The following LARGE1 variants were observed in gnomAD, a reference collection of about 807,000 sequenced individuals.
LARGE1 encodes xylosyl- and glucuronyltransferase LARGE1.
LARGE1 carries 43 observed loss-of-function variants against 87.6 expected under a neutral mutation model. The observed-to-expected ratio is 0.49, with a 90% CI of 0.38 to 0.63. LARGE1 has a LOEUF of 0.63. Among genes scored for constraint, LARGE1 ranks in the 30% least tolerant of loss-of-function variants. The pLI, the probability that LARGE1 is intolerant of heterozygous loss-of-function variation, is 0.00. For synonymous variants in LARGE1, 434 were observed against 394.6 expected, an observed-to-expected ratio of 1.10 and a Z score of -1.18; for missense variants, 802 against 1,000.2, an observed-to-expected ratio of 0.80 and a Z score of 2.67.
chr22:33,430,182 T>G (rs1160189172), intron 7 of LARGE1, among the ~76,000 whole-genome samples: 4 of 152,174 alleles, frequency 2.6e-5, no homozygotes, highest in African/African-American at 9.7e-5. Flanking sequence ...CCTTCGATGC[T>G]CCAATCTTCA....
chr22:33,539,924 T>C (rs898713424), intron 6 of LARGE1, among the ~76,000 whole-genome samples: 1 of 152,132 alleles, frequency 6.6e-6, no homozygotes, highest in East Asian at 1.9e-4. Flanking sequence ...AATATGGGCT[T>C]TGAAGTTCTT....
Position 33,274,373 on chromosome 22 carries a change from G to A in LARGE1, c.*54C>T. 6.4e-7 allele frequency: 1 copy of A among 1,568,446 alleles called. No individual in the cohort carries two copies. Among genetic ancestry groups the A allele is most frequent in the Non-Finnish European group, 8.8e-7 (1 of 1,138,498 alleles). On this transcript the variant is annotated 3_prime_UTR_variant, in exon 15 of 15. Transcript: ENST00000397394. ...GAATTTGAAGGCCGGGCCCCAAACA[G>A]CGAGTGGCACTTCCCCTACAGCATG...
intron 11 of LARGE1, among the ~76,000 whole-genome samples, chr22:33,175,127 A>T (rs187731999): frequency 5.3e-5 from 8 of 152,330 alleles, no homozygotes; most frequent in African/African-American, 1.7e-4. Context: ...CAAAAAGCTA[A>T]TCCACCATGA....
chr22:33,829,710 C>G (rs1017344696), intron 1 of LARGE1, among the ~76,000 whole-genome samples: 2 of 152,212 alleles, frequency 1.3e-5, no homozygotes, highest in Admixed American at 1.3e-4. Flanking sequence ...CAGATGAAAA[C>G]TGATGACTGG....
At chr22:33,304,208 C>T (rs532963640) in intron 12 of LARGE1, 21 bp downstream of exon 12, 4 of 1,613,804 alleles carry the variant, frequency 2.5e-6, no homozygotes, top group Non-Finnish European at 3.4e-6. Flanking sequence ...GCCTGATGGC[C>T]AGGCCCCTGC....
At chr22:33,511,053 T>C (rs760947353) in intron 6 of LARGE1, among the ~76,000 whole-genome samples, 4 of 152,270 alleles carry the variant, frequency 2.6e-5, no homozygotes, top group Non-Finnish European at 5.9e-5. Flanking sequence ...ATCACACACA[T>C]AGTGATTTTC....
chr22:33,503,633 T>C (rs2070616937), intron 6 of LARGE1, among the ~76,000 whole-genome samples: 1 of 151,736 alleles, frequency 6.6e-6, no homozygotes. Context: ...ACCACGTCTC[T>C]ACTAAAAATA....
At chr22:33,892,652 C>T (rs190826847) in intron 1 of LARGE1, among the ~76,000 whole-genome samples, 1 of 152,356 alleles carries the variant, frequency 6.6e-6, no homozygotes, top group African/African-American at 2.4e-5. Flanking sequence ...AGACTGACTA[C>T]ATTTCACAGC....
intron 1 of LARGE1, among the ~76,000 whole-genome samples, chr22:33,880,038 C>A (rs944876231): frequency 2.0e-4 from 30 of 152,170 alleles, no homozygotes; most frequent in Non-Finnish European, 7.3e-5. Context: ...TGGAGAGAGG[C>A]CAAGTGCACT....
the LARGE1 span, among the ~76,000 whole-genome samples, chr22:33,082,685 T>C: frequency 6.6e-6 from 1 of 152,130 alleles, no homozygotes; most frequent in African/African-American, 2.4e-5. Flanking sequence ...ATTTCAAAGC[T>C]CCTTCCGGAC....
chr22:33,883,659 GTCTC>G (rs749375727), intron 1 of LARGE1, among the ~76,000 whole-genome samples: 15 of 152,324 alleles, frequency 9.8e-5, no homozygotes, highest in Admixed American at 3.3e-4. Context: ...CCCCTCTGTG[GTCTC>G]TCTATTAGCA....
intron 5 of LARGE1, among the ~76,000 whole-genome samples, chr22:33,567,982 G>A (rs1256330950): frequency 6.6e-6 from 1 of 152,130 alleles, no homozygotes; most frequent in Non-Finnish European, 1.5e-5. Flanking sequence ...ACTCTCCTGG[G>A]GAATCTAAGG....
intron 10 of LARGE1, among the ~76,000 whole-genome samples, chr22:33,324,301 C>CCA (rs1289465035): frequency 7.8e-6 from 1 of 128,486 alleles, no homozygotes; most frequent in African/African-American, 3.4e-5. Context: ...AACAACCCCC[C>CCA]CCCCAAAACA....
intron 1 of LARGE1, among the ~76,000 whole-genome samples, chr22:33,787,591 G>A (rs146836719): frequency 3.7e-4 from 56 of 152,230 alleles, no homozygotes; most frequent in East Asian, 2.3e-3. Context: ...GCATGAAGCC[G>A]TTCCCAACAT....
At chr22:33,120,339 T>G in the LARGE1 span, among the ~76,000 whole-genome samples, 4 of 143,866 alleles carry the variant, frequency 2.8e-5, no homozygotes, top group Non-Finnish European at 6.1e-5. Flanking sequence ...CTTTCTTTCT[T>G]TTTCTTTCTT....
At chr22:33,648,320 C>G (rs5994782) in intron 3 of LARGE1, among the ~76,000 whole-genome samples, 97 of 152,334 alleles carry the variant, frequency 6.4e-4, no homozygotes, top group African/African-American at 2.3e-3. Context: ...AATGTCCCCA[C>G]AAACACAACT....
intron 7 of LARGE1, among the ~76,000 whole-genome samples, chr22:33,403,246 A>G (rs2065984277): frequency 6.6e-6 from 1 of 152,188 alleles, no homozygotes. Flanking sequence ...ATACAAGTAT[A>G]AGCTCCTGCA....
chr22:33,453,703 T>A (rs1201649561), intron 6 of LARGE1, among the ~76,000 whole-genome samples: 1 of 152,186 alleles, frequency 6.6e-6, no homozygotes, highest in African/African-American at 2.4e-5. Flanking sequence ...CTGGTTTTTT[T>A]ACTTGGTTCT....
At chr22:33,766,560 G>A (rs1299401825) in intron 1 of LARGE1, among the ~76,000 whole-genome samples, 1 of 152,200 alleles carries the variant, frequency 6.6e-6, no homozygotes, top group East Asian at 1.9e-4. Context: ...GAATAGCTGG[G>A]ATTACAGGTG....
Sources: gnomAD v4.1 joint callset for allele counts (sites outside exome capture counted in the v4.1 genomes callset) on GRCh38, gnomAD v4.1.1 for gene constraint, MANE v1.5 for transcripts, NCBI Gene and HGNC (gene_info 2026-07-23, HGNC 2026-07-21) for gene names.